LAMA2: variants seen among roughly 807,000 people sequenced by gnomAD.
LAMA2 encodes the protein laminin subunit alpha 2.
A neutral mutation model predicts 364.8 loss-of-function variants in LAMA2; 269 were observed. That is an observed-to-expected ratio of 0.74 (90% CI 0.67 to 0.82). The LOEUF is 0.82. Among genes scored for constraint, LAMA2 ranks in the 40% least tolerant of loss-of-function variants. The pLI, the probability that LAMA2 is intolerant of heterozygous loss-of-function variation, is 0.00. For missense variants in LAMA2, 3,807 were observed against 3,873.2 expected, an observed-to-expected ratio of 0.98 and a Z score of 0.45; for synonymous variants, 1,379 against 1,370.6, an observed-to-expected ratio of 1.01 and a Z score of -0.14.
At chr6:129,081,920 A>G (rs4364505) in intron 3 of LAMA2, among the ~76,000 whole-genome samples, 144,456 of 152,212 alleles carry the variant, frequency 0.95, 68,615 homozygotes, top group East Asian at 0.97. Flanking sequence ...GGAAAATGCT[A>G]AAACAACTTG....
chr6:129,317,918 C>G (rs1410349791), intron 27 of LAMA2, among the ~76,000 whole-genome samples: 1 of 151,212 alleles, frequency 6.6e-6, no homozygotes, highest in African/African-American at 2.4e-5. Flanking sequence ...TTTTCCCGCC[C>G]TATGTCTTTT....
intron 52 of LAMA2, 34 bp from the exon 53 acceptor site, chr6:129,475,356 T>C (rs1472796152): frequency 7.9e-7 from 1 of 1,266,358 alleles, no homozygotes; most frequent in Non-Finnish European, 1.1e-6. Context: ...TTGTTTTTAT[T>C]TTTGTTTTTT....
intron 62 of LAMA2, among the ~76,000 whole-genome samples, chr6:129,511,892 T>G (rs755236389): frequency 6.6e-6 from 1 of 152,162 alleles, no homozygotes; most frequent in Non-Finnish European, 1.5e-5. Context: ...TTCAGATGAT[T>G]GTGGCACCAT....
At position 129,370,992 on chromosome 6, in the gene LAMA2, T is replaced by C. The variant is rs9492309; in HGVS notation, c.4959+1002T>C. Among the ~76,000 whole-genome samples, 1,346 of 152,292 alleles carry C rather than the reference T, an allele frequency of 8.8e-3. 21 individuals carry two copies. The highest frequency in any genetic ancestry group is 0.031 in the African/African-American group (1,294 of 41,562). On this transcript the variant is annotated intron_variant, in intron 34 of 64. Transcript: ENST00000421865. Reference sequence around the variant, plus strand: ...TTTTCAGAATCTCATAGCAACAATATAGAATGTACAGATACAACACGGAGT... The same window carrying C: ...TTTTCAGAATCTCATAGCAACAATACAGAATGTACAGATACAACACGGAGT...
chr6:128,945,275 C>T (rs1780421170), intron 1 of LAMA2, among the ~76,000 whole-genome samples: 1 of 152,078 alleles, frequency 6.6e-6, no homozygotes, highest in South Asian at 2.1e-4. Context: ...TTTTTAAAAC[C>T]TTGACCTATG....
Position 129,177,763 on chromosome 6 carries a change from G to A in LAMA2, c.1364G>A (p.Arg455Gln), listed in dbSNP as rs201177178. 1.7e-5 allele frequency: 28 copies of A among 1,613,898 alleles called. No homozygotes were observed. The highest frequency in any genetic ancestry group is 5.3e-5 in the African/African-American group (4 of 74,994). Reference sequence around the variant, plus strand: ...GGTTTTGGAGGTGTGAGCTGTGATCGGTGTGCCAGGGGCTACACTGGCTAC... The same window carrying A: ...GGTTTTGGAGGTGTGAGCTGTGATCAGTGTGCCAGGGGCTACACTGGCTAC... Reference protein sequence around the residue: ...KTGFGGVSCDRCARGYTGYPD... With the variant: ...KTGFGGVSCDQCARGYTGYPD... Residue 455 changes from arginine to glutamine, a missense_variant, in exon 10 of 65, where the codon CGG (arginine) becomes CAG (glutamine). Coordinates refer to ENST00000421865, the MANE Select transcript of LAMA2 (RefSeq NM_000426.4).
intron 1 of LAMA2, among the ~76,000 whole-genome samples, chr6:129,019,321 A>T (rs1351237855): frequency 6.6e-6 from 1 of 150,580 alleles, no homozygotes; most frequent in Non-Finnish European, 1.5e-5. Flanking sequence ...ATATTAATAT[A>T]TTACTTAAAA....
chr6:129,057,530 T>C (rs778958587), intron 2 of LAMA2, among the ~76,000 whole-genome samples: 28 of 152,244 alleles, frequency 1.8e-4, no homozygotes, highest in South Asian at 2.1e-4. Flanking sequence ...CTAGAACTCC[T>C]ATATCAATTT....
intron 17 of LAMA2, among the ~76,000 whole-genome samples, chr6:129,277,337 G>GT (rs1788400499): frequency 6.6e-6 from 1 of 152,090 alleles, no homozygotes; most frequent in African/African-American, 2.4e-5. Flanking sequence ...TTCTGTAGAT[G>GT]TTTTTTATTG....
chr6:129,187,286 ATATT>A (rs1292680746), intron 10 of LAMA2, among the ~76,000 whole-genome samples: 2 of 151,796 alleles, frequency 1.3e-5, no homozygotes, highest in Non-Finnish European at 3.0e-5. Flanking sequence ...AAGATCATAT[ATATT>A]AACAAGCTAA....
At chr6:129,190,082 C>T (rs578217844) in intron 10 of LAMA2, 123 bp from the exon 11 acceptor site, 42 of 955,734 alleles carry the variant, frequency 4.4e-5, no homozygotes, top group South Asian at 1.9e-4. Context: ...TATCATTATA[C>T]GTTAAATATA....
At position 129,503,123 on chromosome 6, in the gene LAMA2, C is replaced by G; in HGVS notation, c.8390C>G (p.Ala2797Gly). 1 of 1,614,174 alleles carries G rather than the reference C, an allele frequency of 6.2e-7. No individual in the cohort carries two copies. Among genetic ancestry groups the G allele is most frequent in the South Asian group, 1.1e-5 (1 of 91,086 alleles). The change falls in exon 60 of 65, where the codon GCT becomes GGT. Residue 2797 changes from alanine to glycine, a missense_variant. Physicochemically the swap from Ala to Gly is moderately conservative, Grantham distance 60. Coordinates refer to ENST00000421865, the MANE Select transcript of LAMA2 (RefSeq NM_000426.4). ...LTIELEVRTE[A>G]ESGLLFYMAR... The stretch of plus-strand genomic sequence containing the variant: ...ATTGAGTTGGAAGTAAGAACCGAAG[C>G]TGAATCCGGCTTGCTTTTTTACATG...
At chr6:128,993,387 G>A (rs1021760475) in intron 1 of LAMA2, among the ~76,000 whole-genome samples, 1 of 152,126 alleles carries the variant, frequency 6.6e-6, no homozygotes, top group Non-Finnish European at 1.5e-5. Context: ...TAGGCAACCC[G>A]AGGGGATGGA....
Position 129,400,933 on chromosome 6 carries a change from C to T in LAMA2, c.5446-291C>T, listed in dbSNP as rs191967951. Among the ~76,000 whole-genome samples the T allele has an allele frequency of 2.6e-4, 40 of 152,322 alleles. 1 individual carries two copies. The highest frequency in any genetic ancestry group is 2.0e-3 in the Admixed American group (31 of 15,304). The stretch of plus-strand genomic sequence containing the variant: ...CTTATATTTTAGTTAGAAATGGATG[C>T]TCCATCTTTCTTTAAAAGTAGTTTT... On this transcript the variant is annotated intron_variant, in intron 37 of 64. Transcript: ENST00000421865.
chr6:128,885,128 C>T (rs960723474), intron 1 of LAMA2, among the ~76,000 whole-genome samples: 1 of 152,130 alleles, frequency 6.6e-6, no homozygotes, highest in African/African-American at 2.4e-5. Flanking sequence ...AAAATAGCTA[C>T]AACATACAAT....
intron 3 of LAMA2, among the ~76,000 whole-genome samples, chr6:129,083,886 G>A (rs1774217164): frequency 5.3e-5 from 8 of 152,132 alleles, no homozygotes; most frequent in Admixed American, 5.2e-4. Context: ...ATTATGTTTT[G>A]TAATCCTCAC....
chr6:129,265,721 G>T (rs1787459912), intron 15 of LAMA2, among the ~76,000 whole-genome samples: 2 of 151,874 alleles, frequency 1.3e-5, no homozygotes, highest in Non-Finnish European at 2.9e-5. Flanking sequence ...GTCGGAGGGT[G>T]GGGGGCTAGG....
intron 1 of LAMA2, among the ~76,000 whole-genome samples, chr6:129,026,373 A>G (rs1322225262): frequency 5.3e-5 from 8 of 152,196 alleles, no homozygotes; most frequent in Non-Finnish European, 8.8e-5. Context: ...CACAGTGGTA[A>G]GAATATTTTG....
At chr6:129,224,196 G>A (rs1462701386) in intron 12 of LAMA2, among the ~76,000 whole-genome samples, 4 of 152,180 alleles carry the variant, frequency 2.6e-5, no homozygotes, top group Non-Finnish European at 4.4e-5. Flanking sequence ...CATTGATTTT[G>A]TATCCTGAGA....
Sources: gnomAD v4.1 joint callset for allele counts (sites outside exome capture counted in the v4.1 genomes callset) on GRCh38, gnomAD v4.1.1 for gene constraint, MANE v1.5 for transcripts, NCBI Gene and HGNC (gene_info 2026-07-23, HGNC 2026-07-21) for gene names.